The following BOD1L1 variants were observed in gnomAD, a reference collection of about 807,000 sequenced individuals.
BOD1L1 encodes biorientation of chromosomes in cell division 1 like 1.
Under a neutral mutation model 240.7 loss-of-function variants are expected in BOD1L1, and 86 were observed. That is an observed-to-expected ratio of 0.36 (90% CI 0.30 to 0.43). BOD1L1 has a LOEUF of 0.43. BOD1L1 is among the 20% of genes least tolerant of loss of function. The pLI, the probability that BOD1L1 is intolerant of heterozygous loss-of-function variation, is 1.00. For synonymous variants in BOD1L1, 1,268 were observed against 1,272.3 expected (o/e 1.00, Z 0.07); for missense variants, 3,554 against 3,643.5 (o/e 0.98, Z 0.63).
Position 13,580,905 on chromosome 4 carries a change from T to A in BOD1L1, c.8703+115A>T, listed in dbSNP as rs1235506653. On this transcript the variant is annotated intron_variant, in intron 21 of 25. Transcript: ENST00000040738. ...TCAAAATATATGAATGGTTACTCAG[T>A]CTTTTAAAGCTTTTCAAGTAAAAAA... 7.4e-6 allele frequency: 7 copies of A among 941,544 alleles called. No homozygotes were observed. The Admixed American group carries it at 1.9e-4, about 25-fold the overall frequency. The allele number at this position is 941,544 out of a possible 1,614,324, so 58.3% of individuals were successfully genotyped here. A position where few individuals can be genotyped will look rare whatever the true frequency, so the allele number is the denominator to read the frequency against.
rs922816666 is a variant in BOD1L1 at position 13,608,518 on chromosome 4, T to A, written c.1742+12A>T. On this transcript the variant is annotated intron_variant, in intron 8 of 25. Coordinates refer to ENST00000040738, the MANE Select transcript of BOD1L1 (RefSeq NM_148894.3). ...GTGTTATAAGGGAAACATGACCAGATAAAATATGTACCTTGAATCTTTTTT... is the reference window on the plus strand; with the variant it reads ...GTGTTATAAGGGAAACATGACCAGAAAAAATATGTACCTTGAATCTTTTTT... 2.0e-6 allele frequency: 3 copies of A among 1,520,430 alleles called. No homozygotes were observed. The East Asian group carries it at 7.2e-5, about 36-fold the overall frequency. The allele number at this position is 1,520,430 out of a possible 1,614,324, so 94.2% of individuals were successfully genotyped here.
chr4:13,604,904 C>G lies in BOD1L1; in HGVS notation c.1996G>C (p.Gly666Arg), dbSNP rs375354193. Residue 666 changes from glycine to arginine, a missense_variant, in exon 10 of 26, where the codon GGG becomes CGG. Physicochemically the swap from Gly to Arg is moderately radical, Grantham distance 125. Around this residue, in one of 2 missense-constraint regions of BOD1L1, gnomAD observed 3,393 missense variants for 3,427.1 expected, o/e 0.99. Coordinates refer to ENST00000040738, the MANE Select transcript of BOD1L1 (RefSeq NM_148894.3). ...CTTGTGTCAGTCTCTTCCTGTACCC[C>G]CTCCATGATAACAGGGGTAGATGTC... ...RRTSTPVIME[G>R]VQEETDTRDV... 3 of 1,613,236 alleles carry G rather than the reference C, an allele frequency of 1.9e-6. No individual in the cohort carries two copies. Among genetic ancestry groups the G allele is most frequent in the Non-Finnish European group, 2.5e-6 (3 of 1,179,742 alleles).
Position 13,614,512 on chromosome 4 carries a change from T to C in BOD1L1, c.858A>G (p.Pro286=), listed in dbSNP as rs148559236. ...KSEEFSDLPC[P]VEEIKNYTKE... ...TTGTGTAATTTTTAATTTCTTCGAC[T>C]GGACAGGGGAGGTCGCTGAACTCTT... Residue 286 remains proline, a synonymous_variant, in exon 4 of 26, where the codon CCA becomes CCG. Coordinates refer to ENST00000040738, the MANE Select transcript of BOD1L1 (RefSeq NM_148894.3). 270 of 1,613,980 alleles carry C rather than the reference T, an allele frequency of 1.7e-4. No individual in the cohort carries two copies. The African/African-American group carries it at 3.1e-3, about 18-fold the overall frequency.
intron 1 of BOD1L1, among the ~76,000 whole-genome samples, chr4:13,621,261 A>T (rs138715450): frequency 0.01 from 1,552 of 152,340 alleles, 12 homozygotes; most frequent in Non-Finnish European, 0.018. Context: ...TCTTCTATAC[A>T]GCTTTTAATG....
chr4:13,591,611 C>T (rs1165111437), intron 13 of BOD1L1, among the ~76,000 whole-genome samples: 1 of 152,162 alleles, frequency 6.6e-6, no homozygotes, highest in African/African-American at 2.4e-5. Flanking sequence ...AATTCTCAAA[C>T]TAAAATCTAT....
intron 8 of BOD1L1, among the ~76,000 whole-genome samples, chr4:13,607,917 T>G (rs985265515): frequency 6.6e-6 from 1 of 152,174 alleles, no homozygotes; most frequent in Non-Finnish European, 1.5e-5. Context: ...TTCTGCAAAT[T>G]ATCAAATCAG....
chr4:13,569,942 G>T lies in BOD1L1; in HGVS notation c.*69C>A. 3 of 1,172,938 alleles carry T rather than the reference G, an allele frequency of 2.6e-6. No homozygotes were observed. The highest frequency in any genetic ancestry group is 3.4e-6 in the Non-Finnish European group (3 of 873,004). 72.7% of individuals were successfully genotyped at this position (1,172,938 alleles called of 1,614,324 possible). ...TTTTCCTGGTTAAAGAGAAGCCTAT[G>T]GCCACCAAGGCATGTCTCTTTCCTC... On this transcript the variant is annotated 3_prime_UTR_variant, in exon 26 of 26. Coordinates refer to ENST00000040738, the MANE Select transcript of BOD1L1 (RefSeq NM_148894.3).
intron 17 of BOD1L1, among the ~76,000 whole-genome samples, chr4:13,583,209 C>T (rs1024879164): frequency 6.6e-6 from 1 of 152,084 alleles, no homozygotes; most frequent in Non-Finnish European, 1.5e-5. Context: ...TAAATTATCC[C>T]CCCATAGTGG....
chr4:13,616,861 C>T (rs1474473036), intron 2 of BOD1L1, among the ~76,000 whole-genome samples: 3 of 152,082 alleles, frequency 2.0e-5, no homozygotes. Context: ...CTTGCAAACA[C>T]TGTTACATCT....
Position 13,595,965 on chromosome 4 carries a change from T to G in BOD1L1, c.8020-21A>C, listed in dbSNP as rs769406890. ...TAAGCCTAAAAAATCCAAAGCACCA[T>G]AAAAATAAGTTAACCAGGGTTTTTA... On this transcript the variant is annotated intron_variant, in intron 11 of 25. Transcript: ENST00000040738. The G allele has an allele frequency of 3.1e-6, 5 of 1,602,930 alleles. No individual in the cohort carries two copies. In the Admixed American group the frequency reaches 8.5e-5, roughly 27 times the overall value.
In BOD1L1 at chr4:13,586,328, T is replaced by C. The variant is rs1016642523; in HGVS notation, c.8433+68A>G. ...AATGAAAAAAATATTATACTAAGTA[T>C]TTACAATGCTGTAATTAGGCCTCCC... is the stretch of plus-strand genomic sequence containing the variant. On this transcript the variant is annotated intron_variant, in intron 17 of 25. Coordinates refer to ENST00000040738, the MANE Select transcript of BOD1L1 (RefSeq NM_148894.3). 37 of 834,448 alleles carry C rather than the reference T, an allele frequency of 4.4e-5. No individual in the cohort carries two copies. In the Admixed American group the frequency reaches 8.5e-4, roughly 19 times the overall value. 51.7% of individuals were successfully genotyped at this position (834,448 alleles called of 1,614,324 possible).
Position 13,577,095 on chromosome 4 carries a change from C to A in BOD1L1, c.8885-104G>T, listed in dbSNP as rs896341646. 3.0e-6 allele frequency: 4 copies of A among 1,352,830 alleles called. No homozygotes were observed. In the South Asian group the frequency reaches 4.4e-5, roughly 15 times the overall value. The allele number at this position is 1,352,830 out of a possible 1,614,324, so 83.8% of individuals were successfully genotyped here. On this transcript the variant is annotated intron_variant, in intron 24 of 25. Transcript: ENST00000040738. ...ACTTAGGATATTAGGGACTTGGAGG[C>A]AGAGAAATGGTTTTCCACTTCCTTT...
intron 16 of BOD1L1, among the ~76,000 whole-genome samples, chr4:13,586,961 A>G (rs758857317): frequency 6.6e-6 from 1 of 152,236 alleles, no homozygotes; most frequent in Non-Finnish European, 1.5e-5. Flanking sequence ...TGTACCATGG[A>G]TAGTACCTGA....
chr4:13,608,548 T>G lies in BOD1L1; in HGVS notation c.1724A>C (p.Lys575Thr). 2 of 1,540,946 alleles carry G rather than the reference T, an allele frequency of 1.3e-6. No homozygotes were observed. The highest frequency in any genetic ancestry group is 1.7e-6 in the Non-Finnish European group (2 of 1,147,550). Residue 575 changes from lysine to threonine, a missense_variant, in exon 8 of 26, where the codon AAG becomes ACG. Lys to Thr is a moderately conservative substitution (Grantham distance 78). Transcript: ENST00000040738. ...TATGTACCTTGAATCTTTTTTTCTC[T>G]TTTTGCTTAAGGCTACTTTTTTTTC... ...VLEKKVALSK[K>T]RKKDSRNVEE...
In BOD1L1 at chr4:13,604,587, A is replaced by G. The variant is rs1715525731; in HGVS notation, c.2313T>C (p.Asn771=). 6.4e-7 allele frequency: 1 copy of G among 1,568,556 alleles called. No individual in the cohort carries two copies. ...TTGTTTGTTGACTTTGCTTTTGAATATTTTCCTCTACTTTTAAACCTTTCT... is the reference window on the plus strand; with the variant it reads ...TTGTTTGTTGACTTTGCTTTTGAATGTTTTCCTCTACTTTTAAACCTTTCT... ...SSEKGLKVEE[N]IQKQSQQTKL... The change falls in exon 10 of 26, where the codon AAT becomes AAC. Residue 771 remains asparagine (N), a synonymous_variant. Transcript: ENST00000040738.
chr4:13,577,715 G>T, intron 22 of BOD1L1, 84 bp from the exon 23 acceptor site: 1 of 1,005,728 alleles, frequency 9.9e-7, no homozygotes, highest in Non-Finnish European at 1.5e-6. Flanking sequence ...GTCTGTCAAT[G>T]TATCAGTATT....
At chr4:13,582,344 T>C (rs748071679) in intron 18 of BOD1L1, 34 bp from the exon 19 acceptor site, 3 of 1,570,788 alleles carry the variant, frequency 1.9e-6, no homozygotes, top group East Asian at 2.2e-5. Flanking sequence ...TCAATGCTAG[T>C]GACCATGGTC....
At chr4:13,626,093 T>C (rs1717364989) in intron 1 of BOD1L1, 1 of 152,232 alleles carries the variant, frequency 6.6e-6, no homozygotes, top group Non-Finnish European at 1.5e-5. Flanking sequence ...TCATGCCTAC[T>C]GGGCGAATCA....
chr4:13,619,917 C>A (rs777776393), intron 2 of BOD1L1, 26 bp downstream of exon 2: 1 of 1,610,068 alleles, frequency 6.2e-7, no homozygotes, highest in Non-Finnish European at 8.5e-7. Context: ...TTAAAACCTG[C>A]CCAGAACTCT....
Sources: allele counts gnomAD v4.1 joint callset (sites outside exome capture counted in the v4.1 genomes callset), GRCh38; gene constraint gnomAD v4.1.1; regional missense constraint gnomAD v4.1.1; transcripts MANE v1.5; gene names NCBI Gene and HGNC (gene_info 2026-07-23, HGNC 2026-07-21).